Variants in SCN7A observed in about 807,000 individuals in gnomAD.
SCN7A encodes sodium channel protein type 7 subunit alpha.
SCN7A carries 138 observed loss-of-function variants against 155.2 expected under a neutral mutation model. The observed-to-expected ratio is 0.89, with a 90% CI of 0.77 to 1.02. SCN7A has a LOEUF of 1.02. Among genes scored for constraint, SCN7A ranks in the 50% least tolerant of loss-of-function variants. The pLI is 0.00. For synonymous variants in SCN7A, 693 were observed against 649.0 expected (o/e 1.07, Z -1.03); for missense variants, 2,058 against 1,986.6 (o/e 1.04, Z -0.68).
At chr2:166,424,583 T>C (rs1267662076) in intron 18 of SCN7A, among the ~76,000 whole-genome samples, 1 of 152,014 alleles carries the variant, frequency 6.6e-6, no homozygotes, top group Non-Finnish European at 1.5e-5. Context: ...GGATAGTTCA[T>C]AATAATAGAG....
intron 21 of SCN7A, among the ~76,000 whole-genome samples, chr2:166,414,009 AC>A (rs1188621362): frequency 0.02 from 1,083 of 53,000 alleles, 64 homozygotes; most frequent in African/African-American, 0.05. Flanking sequence ...ATATAAATAT[AC>A]TATATATATG....
At position 166,405,271 on chromosome 2, in the gene SCN7A, C is replaced by A. The variant is rs1018134407; in HGVS notation, c.*309G>T. 16 of 266,086 alleles carry A rather than the reference C, an allele frequency of 6.0e-5. No homozygotes were observed. The highest frequency in any genetic ancestry group is 6.9e-5 in the Non-Finnish European group (10 of 144,032). 16.5% of individuals were successfully genotyped at this position (266,086 alleles called of 1,614,324 possible). Reference sequence around the variant, plus strand: ...AAAGAAAGCCCCTGCTGCTGCTGATCTCTATCACCACTTCCCTTCATTCCC... The same window carrying A: ...AAAGAAAGCCCCTGCTGCTGCTGATATCTATCACCACTTCCCTTCATTCCC... On this transcript the variant is annotated 3_prime_UTR_variant, in exon 26 of 26. Transcript: ENST00000643258.
chr2:166,429,896 A>G (rs1575018845), intron 16 of SCN7A, among the ~76,000 whole-genome samples: 1 of 152,164 alleles, frequency 6.6e-6, no homozygotes, highest in South Asian at 2.1e-4. Context: ...ACTGAAGTTC[A>G]AGGCTGGGTA....
intron 3 of SCN7A, among the ~76,000 whole-genome samples, chr2:166,476,264 T>A (rs1702794884): frequency 6.6e-6 from 1 of 151,710 alleles, no homozygotes. Context: ...GTATTCCAAA[T>A]AACTGTAATT....
intron 7 of SCN7A, among the ~76,000 whole-genome samples, chr2:166,466,637 A>C (rs12475889): frequency 0.59 from 89,085 of 151,796 alleles, 26,302 homozygotes; most frequent in Middle Eastern, 0.66. Flanking sequence ...TTACTATTAA[A>C]TTTTTTGTAT....
intron 3 of SCN7A, among the ~76,000 whole-genome samples, chr2:166,474,586 G>A (rs943136799): frequency 1.3e-5 from 2 of 151,214 alleles, no homozygotes; most frequent in African/African-American, 4.9e-5. Flanking sequence ...TGCTACACCC[G>A]AGAAAGTTGT....
At chr2:166,488,202 T>C (rs1703094419) in intron 1 of SCN7A, among the ~76,000 whole-genome samples, 1 of 152,208 alleles carries the variant, frequency 6.6e-6, no homozygotes, top group Non-Finnish European at 1.5e-5. Context: ...TTAATAGATA[T>C]ATCATGGCTT....
At chr2:166,436,453 G>A (rs1334296216) in intron 15 of SCN7A, 12 of 409,236 alleles carry the variant, frequency 2.9e-5, no homozygotes, top group Admixed American at 2.9e-4. Flanking sequence ...GTGGAACCGT[G>A]AGTCAGTTAA....
At chr2:166,407,691 A>AT (rs575055133) in intron 25 of SCN7A, among the ~76,000 whole-genome samples, 7 of 151,222 alleles carry the variant, frequency 4.6e-5, no homozygotes, top group South Asian at 2.1e-4. Context: ...CTCATCACTA[A>AT]TTTTTTTTTA....
rs746039293 is a variant in SCN7A at position 166,432,643 on chromosome 2, T to C, written c.2267A>G (p.Lys756Arg). The C allele has an allele frequency of 1.4e-4, 226 of 1,610,676 alleles. No homozygotes were observed. The highest frequency in any genetic ancestry group is 2.3e-5 in the Non-Finnish European group (27 of 1,179,064). Residue 756 changes from lysine to arginine, a missense_variant, in exon 16 of 26, where the codon AAA (lysine) becomes AGA (arginine). Transcript: ENST00000643258. The part of the protein sequence containing the change: ...KNLQLAVARI[K>R]KGINYVLLKI... ...AAGAAGCACATAGTTTATTCCTTTT[T>C]TAATTCTTGCCACTGCAAGCTGGAG...
intron 21 of SCN7A, among the ~76,000 whole-genome samples, chr2:166,413,653 C>A (rs960276446): frequency 6.6e-6 from 1 of 151,804 alleles, no homozygotes; most frequent in Non-Finnish European, 1.5e-5. Context: ...GAGGGTGTTG[C>A]CAAAGGAGAT....
At chr2:166,441,036 C>T (rs1575028765) in intron 15 of SCN7A, 1 of 349,128 alleles carries the variant, frequency 2.9e-6, no homozygotes, top group Non-Finnish European at 5.1e-6. Context: ...TGGAATTTTC[C>T]ACTGGATGTT....
intron 10 of SCN7A, 142 bp downstream of exon 10, chr2:166,462,247 A>G: frequency 1.2e-6 from 1 of 852,364 alleles, no homozygotes; most frequent in East Asian, 2.7e-5. Flanking sequence ...TTTGACATTC[A>G]GTAATTCTAG....
In SCN7A at chr2:166,475,124, A is replaced by ATATACGTATATATATATATATATACG. The variant is rs1559125349; in HGVS notation, c.235-781_235-780insCGTATATATATATATATATACGTATA. The stretch of plus-strand genomic sequence containing the variant: ...TATATGTATATATATATATATACAT[A>ATATACGTATATATATATATATATACG]TATATATATATATACACACACACAC... On this transcript the variant is annotated intron_variant, in intron 3 of 25. Transcript: ENST00000643258. 1.7e-4 allele frequency among the ~76,000 whole-genome samples: 21 copies of ATATACGTATATATATATATATATACG among 120,150 alleles called. 1 individual carries two copies. The highest frequency in any genetic ancestry group is 6.1e-3 in the Middle Eastern group (1 of 164). The allele number at this position is 120,150 out of a possible 152,430, so 78.8% of individuals were successfully genotyped here.
intron 7 of SCN7A, among the ~76,000 whole-genome samples, chr2:166,466,976 T>C (rs1238582282): frequency 6.6e-6 from 1 of 151,986 alleles, no homozygotes; most frequent in Admixed American, 6.6e-5. Context: ...TACAGAAGTG[T>C]GATAATCTAG....
chr2:166,463,065 T>A (rs1027978484), intron 9 of SCN7A, among the ~76,000 whole-genome samples: 1 of 152,214 alleles, frequency 6.6e-6, no homozygotes, highest in Admixed American at 6.5e-5. Flanking sequence ...AAAATAGTAC[T>A]GATACAACTG....
Position 166,473,796 on chromosome 2 carries a change from T to G in SCN7A, c.443+3A>C. 1 of 1,161,818 alleles carries G rather than the reference T, an allele frequency of 8.6e-7. No individual in the cohort carries two copies. 72.0% of individuals were successfully genotyped at this position (1,161,818 alleles called of 1,614,324 possible). A position where few individuals can be genotyped will look rare whatever the true frequency, so the allele number is the denominator to read the frequency against. ...TTATGTATAAAATAATTATATAACATACTCTAATACTGGTCTCCATTTTGG... is the reference window on the plus strand; with the variant it reads ...TTATGTATAAAATAATTATATAACAGACTCTAATACTGGTCTCCATTTTGG... On this transcript the variant is annotated splice_donor_region_variant and intron_variant, in intron 5 of 25. Coordinates refer to ENST00000643258, the MANE Select transcript of SCN7A (RefSeq NM_002976.4).
rs1483155669 is a variant in SCN7A, at chr2:166,404,066, AT to A, written c.*1513del. ...TAGTAGTTAAGGCTTGAGATCATGC[AT>A]TCAGAATAAAATACAATCACTGATA... On this transcript the variant is annotated 3_prime_UTR_variant, in exon 26 of 26. Transcript: ENST00000643258. 1.3e-5 allele frequency: 2 copies of A among 151,966 alleles called. No homozygotes were observed. The highest frequency in any genetic ancestry group is 2.9e-5 in the Non-Finnish European group (2 of 67,920). The allele number at this position is 151,966 out of a possible 1,614,324, so 9.4% of individuals were successfully genotyped here.
intron 23 of SCN7A, among the ~76,000 whole-genome samples, chr2:166,412,213 C>T (rs914760772): frequency 3.3e-5 from 5 of 152,006 alleles, no homozygotes; most frequent in African/African-American, 4.8e-5. Flanking sequence ...GAACTCTTCA[C>T]ATATTTGTGA....
Sources: allele counts gnomAD v4.1 joint callset (sites outside exome capture counted in the v4.1 genomes callset), GRCh38; gene constraint gnomAD v4.1.1; transcripts MANE v1.5; gene names NCBI Gene and HGNC (gene_info 2026-07-23, HGNC 2026-07-21).